The following ATP8A2 variants were observed in gnomAD, a reference collection of about 807,000 sequenced individuals.
ATP8A2 encodes the protein ATPase phospholipid transporting 8A2.
A neutral mutation model predicts 165.6 loss-of-function variants in ATP8A2; 100 were observed. That is an observed-to-expected ratio of 0.60 (90% CI 0.51 to 0.71). The LOEUF (loss-of-function observed/expected upper bound fraction) is 0.71. ATP8A2 is among the 30% of genes least tolerant of loss of function. ATP8A2 has a pLI of 0.00. For missense variants in ATP8A2, 1,227 were observed against 1,479.5 expected (o/e 0.83, Z 2.80); for synonymous variants, 543 against 548.8 (o/e 0.99, Z 0.15).
At chr13:25,947,252 C>T (rs922108504) in intron 33 of ATP8A2, among the ~76,000 whole-genome samples, 1 of 152,118 alleles carries the variant, frequency 6.6e-6, no homozygotes, top group African/African-American at 2.4e-5. Flanking sequence ...AGGGACTTTT[C>T]GGTAAAATGA....
At chr13:25,479,707 GCCTTC>G (rs1439620775) in intron 2 of ATP8A2, among the ~76,000 whole-genome samples, 1 of 152,038 alleles carries the variant, frequency 6.6e-6, no homozygotes, top group African/African-American at 2.4e-5. Flanking sequence ...GGAGCATGCT[GCCTTC>G]AAGCATCTGT....
intron 33 of ATP8A2, among the ~76,000 whole-genome samples, chr13:25,936,001 G>C (rs555599158): frequency 2.1e-3 from 316 of 152,268 alleles, no homozygotes; most frequent in Non-Finnish European, 2.0e-3. Flanking sequence ...ACTAACTTTA[G>C]ATGAATCATC....
intron 27 of ATP8A2, among the ~76,000 whole-genome samples, chr13:25,795,917 A>G (rs1284858249): frequency 6.6e-6 from 1 of 151,564 alleles, no homozygotes; most frequent in African/African-American, 2.4e-5. Context: ...GAACTAGAAT[A>G]TGGAGTTCAC....
In ATP8A2 at chr13:25,529,992, C is replaced by CTT; in HGVS notation, c.222-6_222-5dup. The CTT allele has an allele frequency of 6.4e-7, 1 of 1,573,948 alleles. No individual in the cohort carries two copies. Among genetic ancestry groups the CTT allele is most frequent in the Non-Finnish European group, 8.7e-7 (1 of 1,146,296 alleles). On this transcript the variant is annotated splice_polypyrimidine_tract_variant and splice_region_variant and intron_variant, in intron 2 of 36. Transcript: ENST00000381655. Reference sequence around the variant, plus strand: ...ACTGATAGTATTATTTTTCTTTGCACTTACAGTACGGCCAAGTACAGCGTG... The same window carrying CTT: ...ACTGATAGTATTATTTTTCTTTGCACTTTTACAGTACGGCCAAGTACAGCGTG...
chr13:25,633,787 G>A (rs1386824161), intron 24 of ATP8A2, among the ~76,000 whole-genome samples: 1 of 152,082 alleles, frequency 6.6e-6, no homozygotes, highest in Non-Finnish European at 1.5e-5. Context: ...ACCAGCCTGG[G>A]CAACATGGTG....
chr13:25,536,925 G>C (rs961062232), intron 6 of ATP8A2, among the ~76,000 whole-genome samples: 1 of 152,190 alleles, frequency 6.6e-6, no homozygotes, highest in Admixed American at 6.5e-5. Flanking sequence ...CTGTTTTCCT[G>C]TTTCAGACAT....
intron 18 of ATP8A2, among the ~76,000 whole-genome samples, chr13:25,573,754 G>A (rs911167415): frequency 1.3e-5 from 2 of 152,118 alleles, no homozygotes; most frequent in African/African-American, 2.4e-5. Flanking sequence ...GGATATGATG[G>A]AAAGTTAGGA....
chr13:25,834,926 C>A (rs1009254668), intron 28 of ATP8A2, among the ~76,000 whole-genome samples: 21 of 152,200 alleles, frequency 1.4e-4, no homozygotes, highest in Admixed American at 1.0e-3. Flanking sequence ...GGATTGCAGG[C>A]AGGAGCTACA....
chr13:25,901,512 A>C (rs1260018390), intron 33 of ATP8A2, among the ~76,000 whole-genome samples: 2 of 151,504 alleles, frequency 1.3e-5, no homozygotes, highest in Admixed American at 1.3e-4. Flanking sequence ...ATATATACAT[A>C]ATTTAAATTG....
At chr13:25,539,301 A>T (rs927153214) in intron 7 of ATP8A2, among the ~76,000 whole-genome samples, 9 of 151,946 alleles carry the variant, frequency 5.9e-5, no homozygotes, top group African/African-American at 1.9e-4. Flanking sequence ...ATTTTTAAAA[A>T]TTTTTTGTAG....
chr13:25,868,275 C>T (rs1280643131), intron 33 of ATP8A2: 1 of 343,266 alleles, frequency 2.9e-6, no homozygotes, highest in Non-Finnish European at 5.9e-6. Context: ...TTTTAGATAA[C>T]ATTCCAGAAA....
chr13:25,818,701 C>T (rs1029312386), intron 27 of ATP8A2, among the ~76,000 whole-genome samples: 3 of 152,154 alleles, frequency 2.0e-5, no homozygotes, highest in African/African-American at 7.2e-5. Context: ...GTGTGGTTTT[C>T]TTATTTAACA....
chr13:25,410,064 C>A (rs1456214857), intron 1 of ATP8A2, among the ~76,000 whole-genome samples: 1 of 150,576 alleles, frequency 6.6e-6, no homozygotes, highest in Non-Finnish European at 1.5e-5. Context: ...GAATGATTTT[C>A]TGAATACATC....
At chr13:26,007,114 T>G (rs984080338) in intron 35 of ATP8A2, among the ~76,000 whole-genome samples, 15 of 152,182 alleles carry the variant, frequency 9.9e-5, no homozygotes, top group African/African-American at 3.6e-4. Flanking sequence ...GTTCACCTTT[T>G]TTACTTTGTT....
chr13:25,964,969 G>C (rs915332413), intron 34 of ATP8A2, among the ~76,000 whole-genome samples: 1 of 152,126 alleles, frequency 6.6e-6, no homozygotes, highest in Admixed American at 6.5e-5. Context: ...AGATCAGCCC[G>C]GCCAACATGG....
chr13:25,649,589 A>C (rs923632156), intron 24 of ATP8A2, among the ~76,000 whole-genome samples: 5 of 152,068 alleles, frequency 3.3e-5, no homozygotes, highest in Non-Finnish European at 5.9e-5. Flanking sequence ...CTGCTCTTCA[A>C]TGAAGTTTGC....
intron 33 of ATP8A2, among the ~76,000 whole-genome samples, chr13:25,898,972 G>A (rs184090355): frequency 1.6e-4 from 24 of 152,322 alleles, no homozygotes; most frequent in Admixed American, 5.2e-4. Context: ...GACCCCTTGC[G>A]CTTCCCGGGT....
chr13:25,434,336 T>G (rs2034695643), intron 1 of ATP8A2, among the ~76,000 whole-genome samples: 1 of 151,748 alleles, frequency 6.6e-6, no homozygotes, highest in Non-Finnish European at 1.5e-5. Context: ...ATCCACTTTT[T>G]TTCTTTTCTC....
At chr13:25,545,184 G>T (rs2038607976) in intron 10 of ATP8A2, among the ~76,000 whole-genome samples, 1 of 152,026 alleles carries the variant, frequency 6.6e-6, no homozygotes, top group South Asian at 2.1e-4. Context: ...GAGCTTGTGT[G>T]TTGAAGCAAG....
Sources: gnomAD v4.1 joint callset for allele counts (sites outside exome capture counted in the v4.1 genomes callset) on GRCh38, gnomAD v4.1.1 for gene constraint, MANE v1.5 for transcripts, NCBI Gene and HGNC (gene_info 2026-07-23, HGNC 2026-07-21) for gene names.